The following OSMR variants were observed in gnomAD, a reference collection of about 807,000 sequenced individuals.
OSMR encodes the protein oncostatin-M-specific receptor subunit beta.
OSMR carries 81 observed loss-of-function variants against 99.9 expected under a neutral mutation model. The ratio of observed to expected loss-of-function variants is 0.81; its 90% CI spans 0.68 to 0.97. OSMR has a LOEUF of 0.97. OSMR is among the 50% of genes least tolerant of loss of function. The pLI, the probability that OSMR is intolerant of heterozygous loss-of-function variation, is 0.00. For missense variants in OSMR, 1,099 were observed against 1,153.4 expected (o/e 0.95, Z 0.68); for synonymous variants, 406 against 410.4 (o/e 0.99, Z 0.13).
intron 1 of OSMR, among the ~76,000 whole-genome samples, chr5:38,857,419 T>G (rs1274850560): frequency 2.0e-5 from 3 of 151,800 alleles, no homozygotes; most frequent in African/African-American, 7.3e-5. Flanking sequence ...TCCCCTTGCT[T>G]ATGACTAGAA....
intron 1 of OSMR, among the ~76,000 whole-genome samples, chr5:38,854,481 A>G (rs1050175551): frequency 2.5e-4 from 38 of 152,212 alleles, no homozygotes; most frequent in Non-Finnish European, 4.0e-4. Context: ...ACAAGATTTG[A>G]TTAAGAAGTT....
At chr5:38,876,160 C>A in intron 2 of OSMR, 41 bp from the exon 3 acceptor site, 1 of 1,587,206 alleles carries the variant, frequency 6.3e-7, no homozygotes, top group South Asian at 1.1e-5. Flanking sequence ...CAATCATGCT[C>A]CTATTAAATA....
At chr5:38,937,757 G>A (rs1377137747), downstream of OSMR, among the ~76,000 whole-genome samples, 2 of 152,146 alleles carry the variant, frequency 1.3e-5, no homozygotes, top group African/African-American at 4.8e-5. The surrounding 1 kb of genome is among the most constrained non-coding windows in gnomAD (Gnocchi z 4.0). Flanking sequence ...TGTTTAAGAA[G>A]AGTATTACTT....
In OSMR at chr5:38,887,694, A is replaced by G. The variant is rs556514001; in HGVS notation, c.991+1504A>G. Among the ~76,000 whole-genome samples the G allele has an allele frequency of 2.6e-5, 4 of 152,306 alleles. No homozygotes were observed. In the South Asian group the frequency reaches 8.3e-4, roughly 32 times the overall value. ...TGCCATACTCTTTTATGTAAAACTGATAATTAATTTACCAAATTCTATGAA... is the reference window on the plus strand; with the variant it reads ...TGCCATACTCTTTTATGTAAAACTGGTAATTAATTTACCAAATTCTATGAA... On this transcript the variant is annotated intron_variant, in intron 7 of 17. Transcript: ENST00000274276.
intron 15 of OSMR, among the ~76,000 whole-genome samples, chr5:38,928,971 T>C (rs957149000): frequency 4.6e-5 from 7 of 152,208 alleles, no homozygotes; most frequent in African/African-American, 1.7e-4. Flanking sequence ...ATCTCCCTTA[T>C]GTTAAACTTC....
At chr5:38,851,328 G>C (rs978380725) in intron 1 of OSMR, among the ~76,000 whole-genome samples, 2 of 152,110 alleles carry the variant, frequency 1.3e-5, no homozygotes, top group African/African-American at 4.8e-5. Flanking sequence ...AACTTAGTAA[G>C]TGGGTGTGTC....
intron 1 of OSMR, among the ~76,000 whole-genome samples, chr5:38,848,921 A>G (rs1740122595): frequency 6.7e-6 from 1 of 149,868 alleles, no homozygotes; most frequent in Non-Finnish European, 1.5e-5. Context: ...CTACAGGCAC[A>G]TGACACCACA....
At chr5:38,846,899 T>C (rs896273495) in intron 1 of OSMR, among the ~76,000 whole-genome samples, 1 of 152,204 alleles carries the variant, frequency 6.6e-6, no homozygotes, top group Non-Finnish European at 1.5e-5. Flanking sequence ...GCTTTACCCC[T>C]GACACCGCGA....
Position 38,896,910 on chromosome 5 carries a change from T to C in OSMR, c.992-6972T>C, listed in dbSNP as rs550998619. Reference sequence around the variant, plus strand: ...TTTTTAGCATCAATTGAAATGATCATATGGGTTTTGTCCTTCATTTTGTTG... The same window carrying C: ...TTTTTAGCATCAATTGAAATGATCACATGGGTTTTGTCCTTCATTTTGTTG... On this transcript the variant is annotated intron_variant, in intron 7 of 17. Transcript: ENST00000274276. Among the ~76,000 whole-genome samples the C allele has an allele frequency of 4.4e-4, 67 of 152,198 alleles. 1 individual carries two copies. The highest frequency in any genetic ancestry group is 1.6e-3 in the African/African-American group (66 of 41,560).
intron 1 of OSMR, among the ~76,000 whole-genome samples, chr5:38,849,340 A>G (rs1218727847): frequency 6.6e-6 from 1 of 152,230 alleles, no homozygotes; most frequent in Admixed American, 6.5e-5. Flanking sequence ...AGCTGATCCA[A>G]TAGCATTTAT....
chr5:38,938,206 C>T (rs1324866802), downstream of OSMR: 1 of 223,028 alleles, frequency 4.5e-6, no homozygotes, highest in Non-Finnish European at 9.0e-6. Context: ...CTACAAACAC[C>T]AGAACCTCCA....
chr5:38,885,168 C>T (rs1743611670), intron 5 of OSMR, 181 bp from the exon 6 acceptor site: 1 of 984,744 alleles, frequency 1.0e-6, no homozygotes, highest in Non-Finnish European at 1.2e-6. Context: ...GGAGAAGGGG[C>T]CAAGATGAGG....
intron 7 of OSMR, among the ~76,000 whole-genome samples, chr5:38,886,858 T>G (rs1743813987): frequency 1.3e-5 from 2 of 152,238 alleles, no homozygotes; most frequent in African/African-American, 4.8e-5. Flanking sequence ...GCATATATAC[T>G]TAAGAGTTGG....
At chr5:38,925,048 G>A in intron 14 of OSMR, 156 bp from the exon 15 acceptor site, 2 of 984,286 alleles carry the variant, frequency 2.0e-6, no homozygotes. Flanking sequence ...TGTGCCCATG[G>A]TGATGAAATT....
chr5:38,863,176 GGGGAGAGGGAGA>G (rs1227806936), intron 1 of OSMR, among the ~76,000 whole-genome samples: 1 of 114,790 alleles, frequency 8.7e-6, no homozygotes, highest in African/African-American at 3.4e-5. Context: ...GGGAGACCGT[GGGGAGAGGGAGA>G]GGGAGAGGGG....
At chr5:38,942,201 C>A in intron 1 of OSMR, 1 of 645,320 alleles carries the variant, frequency 1.5e-6, no homozygotes, top group South Asian at 2.7e-5. Context: ...ACAGAAGATA[C>A]TCCTGTCTTT....
chr5:38,851,140 AGT>A (rs1319395433), intron 1 of OSMR, among the ~76,000 whole-genome samples: 2 of 152,224 alleles, frequency 1.3e-5, no homozygotes, highest in Non-Finnish European at 1.5e-5. Context: ...TATGGTTTCA[AGT>A]GTGGAAATAA....
In OSMR at chr5:38,847,701, G is replaced by C. The variant is rs535343386; in HGVS notation, c.-14+1314G>C. ...TTGTTTTCCCCGTAGCATTTGTTCA[G>C]TGCCTCCAGTGGCAGGAAGCTCACC... On this transcript the variant is annotated intron_variant, in intron 1 of 17. Transcript: ENST00000274276. 1.3e-3 allele frequency among the ~76,000 whole-genome samples: 192 copies of C among 152,288 alleles called. 1 individual carries two copies. Among genetic ancestry groups the C allele is most frequent in the Non-Finnish European group, 2.0e-3 (138 of 68,022 alleles).
chr5:38,930,460 A>G (rs1281744774), intron 15 of OSMR, among the ~76,000 whole-genome samples: 1 of 152,194 alleles, frequency 6.6e-6, no homozygotes, highest in Non-Finnish European at 1.5e-5. Context: ...CATTTCTTCC[A>G]GGACAGCCAG....
Sources: gnomAD v4.1 joint callset for allele counts (sites outside exome capture counted in the v4.1 genomes callset) on GRCh38, gnomAD v4.1.1 for gene constraint, Gnocchi (gnomAD v3.1) non-coding constraint, MANE v1.5 for transcripts, NCBI Gene and HGNC (gene_info 2026-07-23, HGNC 2026-07-21) for gene names.